ATP8A1: variants seen among roughly 807,000 people sequenced by gnomAD.
ATP8A1 encodes the protein phospholipid-transporting ATPase IA.
ATP8A1 carries 90 observed loss-of-function variants against 177.7 expected under a neutral mutation model. The ratio of observed to expected loss-of-function variants is 0.51; its 90% confidence interval spans 0.43 to 0.60. ATP8A1 has a LOEUF of 0.60. ATP8A1 is among the 20% of genes least tolerant of loss of function. The pLI is 0.00. For synonymous variants in ATP8A1, 493 were observed against 485.9 expected (o/e 1.01, Z -0.19); for missense variants, 1,072 against 1,392.8 (o/e 0.77, Z 3.67).
chr4:42,620,128 G>C (rs1231032941), intron 4 of ATP8A1, among the ~76,000 whole-genome samples: 2 of 152,202 alleles, frequency 1.3e-5, no homozygotes, highest in African/African-American at 4.8e-5. Flanking sequence ...TGTTCTTGCT[G>C]AACGGATGAA....
chr4:42,420,042 T>G (rs1187588597), intron 35 of ATP8A1, among the ~76,000 whole-genome samples: 2 of 152,148 alleles, frequency 1.3e-5, no homozygotes, highest in East Asian at 1.9e-4. Context: ...ACTGCTAACT[T>G]TTTTTGAAAT....
chr4:42,410,705 C>T lies in ATP8A1; in HGVS notation c.*2211G>A, dbSNP rs377360279. 5 of 152,138 alleles carry T rather than the reference C, an allele frequency of 3.3e-5. No homozygotes were observed. Among genetic ancestry groups the T allele is most frequent in the African/African-American group, 7.2e-5 (3 of 41,428 alleles). 9.4% of individuals were successfully genotyped at this position (152,138 alleles called of 1,614,324 possible). ...TCAGATCATGTTACACATTATCAAC[C>T]GTAAGTATTCTTCTCATGTTTAAGA... On this transcript the variant is annotated 3_prime_UTR_variant, in exon 37 of 37. Transcript: ENST00000381668.
intron 5 of ATP8A1, among the ~76,000 whole-genome samples, chr4:42,603,186 T>G (rs1042174620): frequency 6.6e-6 from 1 of 152,224 alleles, no homozygotes; most frequent in African/African-American, 2.4e-5. Flanking sequence ...GAATTTGATT[T>G]GGGTCTCAAG....
intron 1 of ATP8A1, among the ~76,000 whole-genome samples, chr4:42,642,687 C>T (rs1376088149): frequency 6.6e-6 from 1 of 152,112 alleles, no homozygotes; most frequent in African/African-American, 2.4e-5. Flanking sequence ...GCTTCAAGAA[C>T]CTTCTAATGC....
intron 6 of ATP8A1, among the ~76,000 whole-genome samples, chr4:42,591,653 G>C (rs933376925): frequency 6.6e-6 from 1 of 152,068 alleles, no homozygotes; most frequent in Admixed American, 6.6e-5. Flanking sequence ...TTAACAGCTT[G>C]AGTTATTTTA....
chr4:42,591,962 T>C (rs1734224169), intron 6 of ATP8A1, among the ~76,000 whole-genome samples: 1 of 152,160 alleles, frequency 6.6e-6, no homozygotes, highest in African/African-American at 2.4e-5. Flanking sequence ...TTAGGAGTAT[T>C]CCAACCCTGA....
intron 22 of ATP8A1, among the ~76,000 whole-genome samples, chr4:42,511,356 C>A (rs1393103008): frequency 6.6e-6 from 1 of 152,120 alleles, no homozygotes; most frequent in Non-Finnish European, 1.5e-5. Flanking sequence ...CAGATGGCCA[C>A]TAATGGGCAC....
At chr4:42,454,965 T>C (rs1358668774) in intron 29 of ATP8A1, among the ~76,000 whole-genome samples, 1 of 152,148 alleles carries the variant, frequency 6.6e-6, no homozygotes, top group African/African-American at 2.4e-5. Flanking sequence ...GGAGTGAGCA[T>C]GTCACCACAA....
At chr4:42,522,513 AC>A (rs1455708956) in intron 21 of ATP8A1, among the ~76,000 whole-genome samples, 4 of 152,152 alleles carry the variant, frequency 2.6e-5, no homozygotes, top group Non-Finnish European at 5.9e-5. Flanking sequence ...CTAATTCCCA[AC>A]CCTTTTAATC....
intron 1 of ATP8A1, among the ~76,000 whole-genome samples, chr4:42,629,434 C>T (rs888305565): frequency 2.0e-5 from 3 of 152,234 alleles, no homozygotes; most frequent in Non-Finnish European, 4.4e-5. Context: ...GAACGCTTCG[C>T]TCTGTTGTGC....
Position 42,638,102 on chromosome 4 carries a change from A to AT in ATP8A1, c.50-10994dup, listed in dbSNP as rs143830402. Among the ~76,000 whole-genome samples the AT allele has an allele frequency of 4.9e-4, 74 of 152,304 alleles. No homozygotes were observed. In the East Asian group the frequency reaches 0.014, roughly 28 times the overall value. The stretch of plus-strand genomic sequence containing the variant: ...CAGGAAAGTCCCTTCTGTGCACTAA[A>AT]TGTTTGCTAAATTTTCTATTTCAAT... On this transcript the variant is annotated intron_variant, in intron 1 of 36. Coordinates refer to ENST00000381668, the MANE Select transcript of ATP8A1 (RefSeq NM_006095.2).
At chr4:42,476,601 A>T (rs1048475945) in intron 25 of ATP8A1, among the ~76,000 whole-genome samples, 6 of 151,564 alleles carry the variant, frequency 4.0e-5, no homozygotes, top group Non-Finnish European at 8.8e-5. Flanking sequence ...CCTGGGCCAC[A>T]GGGTGAGATT....
intron 20 of ATP8A1, among the ~76,000 whole-genome samples, chr4:42,529,213 G>A (rs1325056614): frequency 6.6e-6 from 1 of 152,182 alleles, no homozygotes; most frequent in East Asian, 1.9e-4. Context: ...AGGTGTCAGT[G>A]GCAGACGGGG....
chr4:42,548,500 G>T (rs556042886), intron 19 of ATP8A1, among the ~76,000 whole-genome samples: 2 of 152,240 alleles, frequency 1.3e-5, no homozygotes, highest in East Asian at 3.9e-4. Flanking sequence ...ATCAAATTGG[G>T]GTGTTTGGGA....
In ATP8A1 at chr4:42,450,244, T is replaced by G. The variant is rs183883359; in HGVS notation, c.2896+1737A>C. Among the ~76,000 whole-genome samples, 333 of 152,330 alleles carry G rather than the reference T, an allele frequency of 2.2e-3. 6 individuals carry two copies. The South Asian group carries it at 0.023, about 11-fold the overall frequency. On this transcript the variant is annotated intron_variant, in intron 30 of 36. Transcript: ENST00000381668. ...ACCACGGTCACATAATGATTCCATT[T>G]ATATAAAATGTCTAGAATAGGTAAA...
chr4:42,478,082 G>C (rs183254314), intron 25 of ATP8A1, among the ~76,000 whole-genome samples: 1 of 151,820 alleles, frequency 6.6e-6, no homozygotes, highest in Admixed American at 6.6e-5. Context: ...TTTTTTTGGC[G>C]GGCGGCTCAT....
chr4:42,639,193 AG>A (rs1739688239), intron 1 of ATP8A1, among the ~76,000 whole-genome samples: 1 of 152,154 alleles, frequency 6.6e-6, no homozygotes, highest in African/African-American at 2.4e-5. Context: ...GCTGCTTCAC[AG>A]GAAGTACTTG....
At chr4:42,562,428 G>A (rs1044236600) in intron 15 of ATP8A1, 2 of 155,084 alleles carry the variant, frequency 1.3e-5, no homozygotes, top group Non-Finnish European at 2.8e-5. Flanking sequence ...GCTGCTCCTG[G>A]GACCTCTGGC....
At chr4:42,581,290 C>T (rs897300924) in intron 10 of ATP8A1, among the ~76,000 whole-genome samples, 40 of 152,248 alleles carry the variant, frequency 2.6e-4, no homozygotes, top group African/African-American at 9.2e-4. Flanking sequence ...TCCACTACCA[C>T]GCCCGGCTAA....
Sources: gnomAD v4.1 joint callset for allele counts (sites outside exome capture counted in the v4.1 genomes callset) on GRCh38, gnomAD v4.1.1 for gene constraint, MANE v1.5 for transcripts, NCBI Gene and HGNC (gene_info 2026-07-23, HGNC 2026-07-21) for gene names.